The following DLGAP2 variants were observed in gnomAD, a reference collection of about 807,000 sequenced individuals.
The protein encoded by DLGAP2 is DLG associated protein 2, also known as disks large-associated protein 2.
A neutral mutation model predicts 100.3 loss-of-function variants in DLGAP2; 26 were observed. That is an observed-to-expected ratio of 0.26 (90% CI 0.19 to 0.36). DLGAP2 has a LOEUF of 0.36. DLGAP2 is among the 10% of genes least tolerant of loss of function. DLGAP2 has a pLI of 1.00. For synonymous variants in DLGAP2, 886 were observed against 630.1 expected (o/e 1.41, Z -6.08); for missense variants, 1,858 against 1,453.2 (o/e 1.28, Z -4.53).
At chr8:1,110,014 G>T (rs1476267431) in intron 2 of DLGAP2, among the ~76,000 whole-genome samples, 1 of 137,860 alleles carries the variant, frequency 7.3e-6, no homozygotes, top group Non-Finnish European at 1.6e-5. Flanking sequence ...GACATGTGCT[G>T]GGTCTGTGAG....
intron 2 of DLGAP2, among the ~76,000 whole-genome samples, chr8:1,065,218 A>G (rs1039547356): frequency 1.1e-4 from 16 of 152,190 alleles, no homozygotes; most frequent in African/African-American, 3.6e-4. Flanking sequence ...CTGACTCAGT[A>G]AGGTCTTTTT....
intron 2 of DLGAP2, among the ~76,000 whole-genome samples, chr8:1,073,983 G>T (rs13268388): frequency 1.5e-4 from 21 of 140,738 alleles, no homozygotes; most frequent in Middle Eastern, 4.4e-3. Context: ...ATATTCAGGA[G>T]TCACTGTAAC....
At chr8:1,376,017 GCCCCCACC>G (rs1563114053) in intron 3 of DLGAP2, among the ~76,000 whole-genome samples, 7 of 18,074 alleles carry the variant, frequency 3.9e-4, no homozygotes, top group South Asian at 3.4e-3. Context: ...TCAGAACTGA[GCCCCCACC>G]TCCTACATTT....
intron 2 of DLGAP2, among the ~76,000 whole-genome samples, chr8:1,161,816 G>C (rs1585112068): frequency 6.6e-6 from 1 of 152,330 alleles, no homozygotes; most frequent in East Asian, 1.9e-4. Context: ...GATAGACAGA[G>C]GCCACATTGG....
chr8:1,122,479 A>T (rs1458855098), intron 2 of DLGAP2, among the ~76,000 whole-genome samples: 1 of 152,226 alleles, frequency 6.6e-6, no homozygotes, highest in Non-Finnish European at 1.5e-5. Context: ...GAAAGATCAC[A>T]TTTTTGATCC....
intron 3 of DLGAP2, among the ~76,000 whole-genome samples, chr8:1,413,743 C>G (rs751665848): frequency 6.6e-6 from 1 of 152,252 alleles, no homozygotes; most frequent in African/African-American, 2.4e-5. Context: ...AGCTCTTCTG[C>G]AGGTGCAATG....
At chr8:1,044,389 C>T (rs942337828) in intron 2 of DLGAP2, among the ~76,000 whole-genome samples, 7 of 152,246 alleles carry the variant, frequency 4.6e-5, no homozygotes, top group Admixed American at 4.6e-4. Flanking sequence ...CTCCATCTCT[C>T]CTCCACCTGC....
chr8:1,330,765 T>C (rs146817682), intron 3 of DLGAP2, among the ~76,000 whole-genome samples: 5,991 of 97,430 alleles, frequency 0.061, 417 homozygotes, highest in South Asian at 0.13. Flanking sequence ...CACCGCTTCA[T>C]CGGGACCGAG....
At chr8:1,555,172 C>A (rs1184877388) in intron 5 of DLGAP2, among the ~76,000 whole-genome samples, 2 of 152,158 alleles carry the variant, frequency 1.3e-5, no homozygotes, top group East Asian at 3.9e-4. Flanking sequence ...AGCTTCTCAT[C>A]CCCTTTTAAG....
chr8:786,850 G>T (rs1821880841), intron 1 of DLGAP2, among the ~76,000 whole-genome samples: 2 of 151,980 alleles, frequency 1.3e-5, no homozygotes, highest in Admixed American at 1.3e-4. Flanking sequence ...TGTGAACGTG[G>T]CTTCTTGGAG....
chr8:1,444,518 G>A (rs1293003391), intron 3 of DLGAP2, among the ~76,000 whole-genome samples: 1 of 151,984 alleles, frequency 6.6e-6, no homozygotes, highest in African/African-American at 2.4e-5. Context: ...ATTTCTTATG[G>A]AATTTTTTAA....
At chr8:1,089,456 G>A (rs1341626013) in intron 2 of DLGAP2, among the ~76,000 whole-genome samples, 1 of 152,172 alleles carries the variant, frequency 6.6e-6, no homozygotes, top group Admixed American at 6.5e-5. Flanking sequence ...GGGCCTGAAT[G>A]GGCCCAGAGT....
At chr8:1,168,419 T>A (rs563678052) in intron 2 of DLGAP2, among the ~76,000 whole-genome samples, 2 of 151,770 alleles carry the variant, frequency 1.3e-5, no homozygotes, top group South Asian at 4.2e-4. Flanking sequence ...CTGGGTCAAA[T>A]GGTATTTCTA....
intron 3 of DLGAP2, among the ~76,000 whole-genome samples, chr8:1,274,399 A>C (rs1799641596): frequency 6.6e-6 from 1 of 150,976 alleles, no homozygotes; most frequent in Non-Finnish European, 1.5e-5. Flanking sequence ...ATAAGAATAT[A>C]AACCATAAAA....
chr8:825,508 C>G (rs1028557529), intron 1 of DLGAP2, among the ~76,000 whole-genome samples: 5 of 152,326 alleles, frequency 3.3e-5, no homozygotes, highest in Admixed American at 3.3e-4. Context: ...GCATTCCCCA[C>G]CCACTGAGAA....
rs368223152 is a variant in DLGAP2 at position 966,183 on chromosome 8, A to G, written c.73+58217A>G. ...CTGTAACATCTGGACCAGTGGAGCCAGTTGTGGGAATCCATAGGAATTTGA... is the reference window on the plus strand; with the variant it reads ...CTGTAACATCTGGACCAGTGGAGCCGGTTGTGGGAATCCATAGGAATTTGA... On this transcript the variant is annotated intron_variant, in intron 2 of 14. Coordinates refer to ENST00000637795, the MANE Select transcript of DLGAP2 (RefSeq NM_001346810.2). 2.4e-3 allele frequency among the ~76,000 whole-genome samples: 371 copies of G among 152,296 alleles called. 2 individuals carry two copies. The highest frequency in any genetic ancestry group is 0.019 in the South Asian group (93 of 4,826).
intron 2 of DLGAP2, among the ~76,000 whole-genome samples, chr8:1,061,910 A>G (rs1803096035): frequency 6.6e-6 from 1 of 151,472 alleles, no homozygotes; most frequent in Admixed American, 6.6e-5. Context: ...TCTTATAAAG[A>G]CCCATGTCGT....
rs757231327 is a variant in DLGAP2, at chr8:837,686, G to GTA, written c.19-70221_19-70220dup. The stretch of plus-strand genomic sequence containing the variant: ...TGTATGTGTGTGTGTGTGTGTGTGT[G>GTA]TATATAATATGTATATATAAATATA... On this transcript the variant is annotated intron_variant, in intron 1 of 14. Coordinates refer to ENST00000637795, the MANE Select transcript of DLGAP2 (RefSeq NM_001346810.2). Among the ~76,000 whole-genome samples, 655 of 149,030 alleles carry GTA rather than the reference G, an allele frequency of 4.4e-3. 1 individual carries two copies. Among genetic ancestry groups the GTA allele is most frequent in the Non-Finnish European group, 7.2e-3 (484 of 67,346 alleles).
intron 3 of DLGAP2, among the ~76,000 whole-genome samples, chr8:1,376,676 GTCA>G (rs1196350923): frequency 7.9e-5 from 10 of 126,028 alleles, no homozygotes; most frequent in African/African-American, 2.6e-4. Flanking sequence ...GGGATGTGTG[GTCA>G]TCGGCGGATG....
Sources: allele counts gnomAD v4.1 joint callset (sites outside exome capture counted in the v4.1 genomes callset), GRCh38; gene constraint gnomAD v4.1.1; transcripts MANE v1.5; gene names NCBI Gene and HGNC (gene_info 2026-07-23, HGNC 2026-07-21).